The following ACACA variants were observed in gnomAD, a reference collection of about 807,000 sequenced individuals.
The protein encoded by ACACA is acetyl-CoA carboxylase 1.
A neutral mutation model predicts 296.1 loss-of-function variants in ACACA; 103 were observed. The observed-to-expected ratio is 0.35, with a 90% CI of 0.30 to 0.41. ACACA has a LOEUF of 0.41. Among genes scored for constraint, ACACA ranks in the 10% least tolerant of loss-of-function variants. ACACA has a pLI of 1.00. For synonymous variants in ACACA, 953 were observed against 1,038.6 expected, an observed-to-expected ratio of 0.92 and a Z score of 1.58; for missense variants, 1,554 against 2,989.7, an observed-to-expected ratio of 0.52 and a Z score of 11.20.
At chr17:37,180,697 A>G (rs2077285934) in intron 40 of ACACA, among the ~76,000 whole-genome samples, 1 of 152,170 alleles carries the variant, frequency 6.6e-6, no homozygotes, top group South Asian at 2.1e-4. Flanking sequence ...ATTCAGCTAT[A>G]ACAAATCTCC....
rs117526369 is a variant in ACACA, at chr17:37,164,766, A to T, written c.5080-2716T>A. Among the ~76,000 whole-genome samples the T allele has an allele frequency of 8.8e-3, 1,335 of 152,260 alleles. 8 individuals carry two copies. The highest frequency in any genetic ancestry group is 0.013 in the Non-Finnish European group (869 of 68,028). ...GCTATTTTCTGTCAATTTTCCTCTA[A>T]ATGCATTTGTAGTTAGAAAGATTGC... On this transcript the variant is annotated intron_variant, in intron 41 of 55. Transcript: ENST00000616317.
At chr17:37,390,339 G>T (rs2050824806) in intron 1 of ACACA, among the ~76,000 whole-genome samples, 1 of 31,678 alleles carries the variant, frequency 3.2e-5, no homozygotes, top group African/African-American at 1.5e-4. Context: ...TATATAAAAG[G>T]CCAGCTGGGC....
At chr17:37,193,950 T>C (rs1414711990) in intron 35 of ACACA, among the ~76,000 whole-genome samples, 2 of 152,168 alleles carry the variant, frequency 1.3e-5, no homozygotes, top group Non-Finnish European at 1.5e-5. Flanking sequence ...GATTCTACCT[T>C]GGTCACTACC....
intron 1 of ACACA, among the ~76,000 whole-genome samples, chr17:37,402,764 C>T (rs141232564): frequency 3.2e-4 from 49 of 152,232 alleles, no homozygotes; most frequent in African/African-American, 1.1e-3. Context: ...GCTCCACCTC[C>T]CAGGTTCACG....
intron 29 of ACACA, among the ~76,000 whole-genome samples, chr17:37,218,559 G>C (rs1441801590): frequency 2.0e-5 from 3 of 152,160 alleles, no homozygotes; most frequent in African/African-American, 7.2e-5. Context: ...GAGTTCAGAG[G>C]AGCTTTTCAA....
At chr17:37,373,569 G>A (rs1199225689) in intron 1 of ACACA, among the ~76,000 whole-genome samples, 1 of 151,894 alleles carries the variant, frequency 6.6e-6, no homozygotes, top group South Asian at 2.1e-4. Flanking sequence ...GAGTCTTTAA[G>A]TTACAAAAGA....
At chr17:37,221,643 G>T in intron 29 of ACACA, 81 bp downstream of exon 29, 1 of 1,172,950 alleles carries the variant, frequency 8.5e-7, no homozygotes, top group Non-Finnish European at 1.3e-6. Flanking sequence ...AAAAAACATG[G>T]AATTGTCATA....
chr17:37,202,714 C>CAT (rs2078318863), intron 33 of ACACA, among the ~76,000 whole-genome samples: 20 of 13,708 alleles, frequency 1.5e-3, no homozygotes, highest in African/African-American at 5.6e-3. Context: ...TATATATATA[C>CAT]ACACACACAT....
rs900393075 is a variant in ACACA, at chr17:37,085,104, G to C, written c.*2212C>G. ...TTCTGAGACAAGTGAAGGCTGTTTT[G>C]TGAACGAAGAGAACAGATAATATGG... On this transcript the variant is annotated 3_prime_UTR_variant, in exon 56 of 56. Transcript: ENST00000616317. 2.0e-5 allele frequency: 3 copies of C among 153,174 alleles called. No individual in the cohort carries two copies. Among genetic ancestry groups the C allele is most frequent in the African/African-American group, 7.2e-5 (3 of 41,492 alleles). The allele number at this position is 153,174 out of a possible 1,614,324, so 9.5% of individuals were successfully genotyped here. A position where few individuals can be genotyped will look rare whatever the true frequency, so the allele number is the denominator to read the frequency against.
At chr17:37,317,082 A>G (rs962745876) in intron 3 of ACACA, among the ~76,000 whole-genome samples, 16 of 117,646 alleles carry the variant, frequency 1.4e-4, no homozygotes, top group Non-Finnish European at 2.7e-4. Flanking sequence ...AAAAAAAAAA[A>G]AAAGAAAAAA....
chr17:37,405,726 GTAT>G (rs906658630), intron 1 of ACACA, among the ~76,000 whole-genome samples: 8 of 151,894 alleles, frequency 5.3e-5, no homozygotes, highest in African/African-American at 1.9e-4. Context: ...GTAATTTTTT[GTAT>G]TTTTAGTAGA....
intron 21 of ACACA, among the ~76,000 whole-genome samples, chr17:37,244,359 C>G (rs937213049): frequency 6.7e-6 from 1 of 150,220 alleles, no homozygotes; most frequent in African/African-American, 2.4e-5. Context: ...GAGCAAGACT[C>G]CGTCTCGAGG....
At chr17:37,255,245 A>G (rs187411210) in intron 14 of ACACA, among the ~76,000 whole-genome samples, 3 of 152,316 alleles carry the variant, frequency 2.0e-5, no homozygotes, top group African/African-American at 7.2e-5. Flanking sequence ...GTAACAAGAC[A>G]CAGTCCTGTT....
chr17:37,369,130 A>G (rs2049710235), intron 1 of ACACA, among the ~76,000 whole-genome samples: 1 of 152,210 alleles, frequency 6.6e-6, no homozygotes, highest in Admixed American at 6.6e-5. Flanking sequence ...GATGATTGCT[A>G]CATGAAGAAA....
At chr17:37,178,127 T>C (rs1282312005) in intron 41 of ACACA, among the ~76,000 whole-genome samples, 1 of 152,218 alleles carries the variant, frequency 6.6e-6, no homozygotes, top group Admixed American at 6.5e-5. Flanking sequence ...TCTCTCTTTT[T>C]AGGTTTGTTA....
chr17:37,146,243 C>A (rs550440803), intron 45 of ACACA, among the ~76,000 whole-genome samples: 2 of 152,210 alleles, frequency 1.3e-5, no homozygotes, highest in Non-Finnish European at 2.9e-5. Context: ...CATGTGTATG[C>A]CAAGATGGAG....
intron 20 of ACACA, 48 bp downstream of exon 20, chr17:37,245,032 A>C: frequency 2.5e-6 from 4 of 1,613,804 alleles, no homozygotes; most frequent in Non-Finnish European, 3.4e-6. Flanking sequence ...CAAACCACCA[A>C]GTTCTTTAGC....
chr17:37,251,967 T>A (rs1042795803), intron 16 of ACACA, 38 bp downstream of exon 16: 1 of 1,565,016 alleles, frequency 6.4e-7, no homozygotes, highest in African/African-American at 1.4e-5. Context: ...CTCAGGACCA[T>A]TGATTAGTTT....
intron 10 of ACACA, among the ~76,000 whole-genome samples, chr17:37,265,877 C>T (rs1358271530): frequency 6.6e-6 from 1 of 152,152 alleles, no homozygotes; most frequent in Non-Finnish European, 1.5e-5. Context: ...AGCTGAATAG[C>T]TTTCTGTCTG....
Sources: allele counts gnomAD v4.1 joint callset (sites outside exome capture counted in the v4.1 genomes callset), GRCh38; gene constraint gnomAD v4.1.1; transcripts MANE v1.5; gene names NCBI Gene and HGNC (gene_info 2026-07-23, HGNC 2026-07-21).